The following MTUS1 variants were observed in gnomAD, a reference collection of about 807,000 sequenced individuals.
MTUS1 encodes microtubule associated scaffold protein 1.
MTUS1 carries 109 observed loss-of-function variants against 120.8 expected under a neutral mutation model. The ratio of observed to expected loss-of-function variants is 0.90; its 90% CI spans 0.77 to 1.06. MTUS1 has a LOEUF of 1.06. Ranked by LOEUF, MTUS1 falls within the 50% of genes least tolerant of loss-of-function variation. The pLI, the probability that MTUS1 is intolerant of heterozygous loss-of-function variation, is 0.00. For synonymous variants in MTUS1, 737 were observed against 550.5 expected (o/e 1.34, Z -4.74); for missense variants, 2,210 against 1,486.3 (o/e 1.49, Z -8.01).
chr8:17,731,938 C>T (rs1414839063), intron 3 of MTUS1, among the ~76,000 whole-genome samples: 1 of 152,242 alleles, frequency 6.6e-6, no homozygotes, highest in East Asian at 1.9e-4. Context: ...TCCAACCTTT[C>T]ATGCCAGTAG....
At chr8:17,714,046 G>C (rs1821846188) in intron 5 of MTUS1, among the ~76,000 whole-genome samples, 1 of 152,164 alleles carries the variant, frequency 6.6e-6, no homozygotes, top group Non-Finnish European at 1.5e-5. Flanking sequence ...TAGTATCAAA[G>C]TTCAACAGCG....
At chr8:17,780,193 C>T (rs1423267996) in intron 1 of MTUS1, among the ~76,000 whole-genome samples, 1 of 151,164 alleles carries the variant, frequency 6.6e-6, no homozygotes, top group East Asian at 1.9e-4. Context: ...CAAGGGACAG[C>T]CAAAAAAAAA....
At chr8:17,672,122 G>A (rs971167377) in intron 8 of MTUS1, among the ~76,000 whole-genome samples, 1 of 152,152 alleles carries the variant, frequency 6.6e-6, no homozygotes, top group African/African-American at 2.4e-5. Flanking sequence ...TGAGTTTGAA[G>A]AGCCTGTCGT....
At chr8:17,741,119 T>C (rs998656305) in intron 3 of MTUS1, among the ~76,000 whole-genome samples, 4 of 152,076 alleles carry the variant, frequency 2.6e-5, no homozygotes, top group Non-Finnish European at 5.9e-5. Flanking sequence ...CCTCAGGTGA[T>C]CCACCTGCCT....
intron 1 of MTUS1, among the ~76,000 whole-genome samples, chr8:17,767,916 C>T (rs1238323331): frequency 6.6e-6 from 1 of 152,068 alleles, no homozygotes; most frequent in African/African-American, 2.4e-5. Context: ...TGAGGAGAGA[C>T]TAGACGCACG....
At chr8:17,769,035 C>T (rs952507824) in intron 1 of MTUS1, among the ~76,000 whole-genome samples, 1 of 152,064 alleles carries the variant, frequency 6.6e-6, no homozygotes, top group Non-Finnish European at 1.5e-5. Context: ...ATAACTCACA[C>T]TATGCAATTA....
chr8:17,755,611 G>GT lies in MTUS1; in HGVS notation c.196dup (p.Thr66AsnfsTer3). The GT allele has an allele frequency of 6.2e-7, 1 of 1,614,172 alleles. No individual in the cohort carries two copies. The highest frequency in any genetic ancestry group is 8.5e-7 in the Non-Finnish European group (1 of 1,180,022). On this transcript the variant is annotated frameshift_variant, in exon 2 of 15. Coordinates refer to ENST00000693296, the MANE Select transcript of MTUS1 (RefSeq NM_001363059.2). LOFTEE classifies it high-confidence loss of function. ...AAGGCTTAAAGAAATATTTTCACCA[G>GT]TAACTACAGCAGGGTCAGTTTCATA... is the stretch of plus-strand genomic sequence containing the variant.
chr8:17,664,491 G>A (rs1810464780), intron 8 of MTUS1, among the ~76,000 whole-genome samples: 2 of 151,332 alleles, frequency 1.3e-5, no homozygotes. Context: ...CACCATCTAG[G>A]ATGGAGAAGA....
At chr8:17,777,180 T>A (rs2131495426) in intron 1 of MTUS1, among the ~76,000 whole-genome samples, 1 of 152,228 alleles carries the variant, frequency 6.6e-6, no homozygotes. Context: ...CTCATGCTTG[T>A]AACCCCAGCA....
chr8:17,668,722 T>G (rs772653757), intron 8 of MTUS1, among the ~76,000 whole-genome samples: 3 of 152,168 alleles, frequency 2.0e-5, no homozygotes, highest in Non-Finnish European at 4.4e-5. Flanking sequence ...AGGTTTGTTA[T>G]TTGGGTCAAC....
rs139740657 is a variant in MTUS1, at chr8:17,724,269, A to G, written c.2288-436T>C. Reference sequence around the variant, plus strand: ...ATCATATAAGAAATAAATAAGAACCAAGTCCAAATACATCTTTGGAATGAA... The same window carrying G: ...ATCATATAAGAAATAAATAAGAACCGAGTCCAAATACATCTTTGGAATGAA... On this transcript the variant is annotated intron_variant, in intron 3 of 14. Coordinates refer to ENST00000693296, the MANE Select transcript of MTUS1 (RefSeq NM_001363059.2). The G allele has an allele frequency of 2.6e-4, 69 of 270,320 alleles. 1 individual carries two copies. In the East Asian group the frequency reaches 8.4e-3, roughly 33 times the overall value. The allele number at this position is 270,320 out of a possible 1,614,324, so 16.7% of individuals were successfully genotyped here. A position where few individuals can be genotyped will look rare whatever the true frequency, so the allele number is the denominator to read the frequency against.
At chr8:17,666,734 A>G (rs565171900) in intron 8 of MTUS1, among the ~76,000 whole-genome samples, 1 of 152,346 alleles carries the variant, frequency 6.6e-6, no homozygotes, top group Admixed American at 6.5e-5. Context: ...GAGGTCAGGA[A>G]GAGGGATCAC....
intron 9 of MTUS1, chr8:17,655,090 T>C (rs978250281): frequency 1.2e-5 from 2 of 171,984 alleles, no homozygotes; most frequent in Admixed American, 1.1e-4. Flanking sequence ...AACGAGGATA[T>C]GTTTCACAGT....
intron 6 of MTUS1, among the ~76,000 whole-genome samples, chr8:17,688,747 A>G (rs1282837084): frequency 1.3e-5 from 2 of 152,156 alleles, no homozygotes; most frequent in African/African-American, 4.8e-5. Context: ...GTTTGTATAA[A>G]GTTTTCTAGT....
At chr8:17,655,719 G>A (rs1808061420) in intron 9 of MTUS1, 144 bp downstream of exon 9, 1 of 717,102 alleles carries the variant, frequency 1.4e-6, no homozygotes, top group South Asian at 1.8e-5. Flanking sequence ...AGACAGAGTG[G>A]GACTCTGTCT....
chr8:17,727,169 T>C (rs1168664404), intron 3 of MTUS1, among the ~76,000 whole-genome samples: 2 of 152,184 alleles, frequency 1.3e-5, no homozygotes, highest in Non-Finnish European at 2.9e-5. Context: ...GGCTCTTGAC[T>C]AATGAGCAAT....
intron 8 of MTUS1, among the ~76,000 whole-genome samples, chr8:17,674,113 C>G (rs1032587037): frequency 9.2e-5 from 14 of 152,126 alleles, no homozygotes; most frequent in African/African-American, 3.4e-4. Context: ...CCAAAGCGGT[C>G]AGATCACTCC....
In MTUS1 at chr8:17,697,585, C is replaced by G. The variant is rs1464409965; in HGVS notation, c.2624-13043G>C. 3.7e-6 allele frequency: 5 copies of G among 1,335,816 alleles called. No homozygotes were observed. In the African/African-American group the frequency reaches 7.4e-5, roughly 20 times the overall value. 82.7% of individuals were successfully genotyped at this position (1,335,816 alleles called of 1,614,324 possible). A position where few individuals can be genotyped will look rare whatever the true frequency, so the allele number is the denominator to read the frequency against. On this transcript the variant is annotated intron_variant, in intron 6 of 14. Transcript: ENST00000693296. ...TGTTTCTGGCTTCCGTTTTCACTTT[C>G]AGATGTTGCCAAAATGATGCTCTTC...
At chr8:17,664,643 GAACTGTC>G (rs1810496754) in intron 8 of MTUS1, among the ~76,000 whole-genome samples, 2 of 152,002 alleles carry the variant, frequency 1.3e-5, no homozygotes, top group South Asian at 4.2e-4. Context: ...GGGGTAAACA[GAACTGTC>G]ACTTCTCTTG....
Sources: gnomAD v4.1 joint callset for allele counts (sites outside exome capture counted in the v4.1 genomes callset) on GRCh38, gnomAD v4.1.1 for gene constraint, MANE v1.5 for transcripts, NCBI Gene and HGNC (gene_info 2026-07-23, HGNC 2026-07-21) for gene names.